The following DCC variants were observed in gnomAD, a reference collection of about 807,000 sequenced individuals.
The protein encoded by DCC is netrin receptor DCC.
Under a neutral mutation model 172.5 loss-of-function variants are expected in DCC, and 58 were observed. The observed-to-expected ratio is 0.34, with a 90% CI of 0.27 to 0.42. The LOEUF is 0.42. Ranked by LOEUF, DCC falls within the 10% of genes least tolerant of loss-of-function variation. DCC has a pLI of 1.00. For synonymous variants in DCC, 709 were observed against 644.5 expected (o/e 1.10, Z -1.52); for missense variants, 1,740 against 1,791.0 (o/e 0.97, Z 0.51).
intron 2 of DCC, among the ~76,000 whole-genome samples, chr18:52,845,999 G>A (rs2038881733): frequency 6.6e-6 from 1 of 152,176 alleles, no homozygotes; most frequent in South Asian, 2.1e-4. Flanking sequence ...CAAGGCACTG[G>A]GGTTGCCTCA....
intron 2 of DCC, among the ~76,000 whole-genome samples, chr18:52,764,670 C>A (rs1285277484): frequency 2.0e-5 from 3 of 151,838 alleles, no homozygotes; most frequent in African/African-American, 7.2e-5. Flanking sequence ...GATGTTGGCA[C>A]CATGTTTCTT....
intron 21 of DCC, among the ~76,000 whole-genome samples, chr18:53,417,938 C>T (rs1311742777): frequency 2.0e-5 from 3 of 152,140 alleles, no homozygotes; most frequent in African/African-American, 7.2e-5. Flanking sequence ...TCCCTATGAT[C>T]ACACATCCTC....
intron 2 of DCC, among the ~76,000 whole-genome samples, chr18:52,875,803 T>A (rs2039395163): frequency 6.6e-6 from 1 of 152,216 alleles, no homozygotes; most frequent in Admixed American, 6.5e-5. Flanking sequence ...TTGGAGCTTT[T>A]CTTCTCCCAA....
At chr18:53,266,558 A>G (rs2056677446) in intron 12 of DCC, among the ~76,000 whole-genome samples, 1 of 152,032 alleles carries the variant, frequency 6.6e-6, no homozygotes, top group Admixed American at 6.6e-5. Context: ...TTGAAGTGTA[A>G]TTCACATGCC....
intron 15 of DCC, among the ~76,000 whole-genome samples, chr18:53,362,064 T>C (rs918429440): frequency 2.0e-5 from 3 of 152,174 alleles, no homozygotes; most frequent in African/African-American, 7.2e-5. Flanking sequence ...TTTTCTAATA[T>C]GTTACTTCAT....
intron 12 of DCC, among the ~76,000 whole-genome samples, chr18:53,221,858 G>C (rs1341079260): frequency 6.6e-6 from 1 of 152,126 alleles, no homozygotes; most frequent in Admixed American, 6.6e-5. Context: ...ATTATTGTCA[G>C]TGCTTTCAGA....
In DCC at chr18:52,340,325, A is replaced by C; in HGVS notation, c.-463A>C. The C allele has an allele frequency of 5.3e-6, 1 of 189,808 alleles. No individual in the cohort carries two copies. The highest frequency in any genetic ancestry group is 1.1e-5 in the Non-Finnish European group (1 of 89,378). The allele number at this position is 189,808 out of a possible 1,614,324, so 11.8% of individuals were successfully genotyped here. A position where few individuals can be genotyped will look rare whatever the true frequency, so the allele number is the denominator to read the frequency against. On this transcript the variant is annotated 5_prime_UTR_variant, in exon 1 of 29. Coordinates refer to ENST00000442544, the MANE Select transcript of DCC (RefSeq NM_005215.4). ...ACAGCATCTCCAGCTCTCGCGCGGA[A>C]TTGTCTCTTCAACTTTACCCAACCG...
intron 1 of DCC, among the ~76,000 whole-genome samples, chr18:52,634,062 T>TG (rs2034728239): frequency 6.6e-6 from 1 of 152,216 alleles, no homozygotes; most frequent in South Asian, 2.1e-4. Context: ...ATATCTTTGT[T>TG]GGGAGGAGTC....
At chr18:53,511,243 G>A (rs1349208300) in intron 27 of DCC, among the ~76,000 whole-genome samples, 2 of 152,188 alleles carry the variant, frequency 1.3e-5, no homozygotes, top group African/African-American at 2.4e-5. Context: ...AACCAGATGG[G>A]AATCAAGGAT....
chr18:52,659,714 C>G (rs2035320744), intron 1 of DCC, among the ~76,000 whole-genome samples: 1 of 151,938 alleles, frequency 6.6e-6, no homozygotes, highest in Non-Finnish European at 1.5e-5. Context: ...ACCACTGAAC[C>G]CAATACATTT....
At chr18:52,978,639 G>A (rs2145599961) in intron 5 of DCC, among the ~76,000 whole-genome samples, 1 of 152,298 alleles carries the variant, frequency 6.6e-6, no homozygotes, top group South Asian at 2.1e-4. Flanking sequence ...CAGTGAGAGT[G>A]TGAATCTGCA....
At chr18:53,251,091 C>T (rs1040333491) in intron 12 of DCC, among the ~76,000 whole-genome samples, 2 of 151,936 alleles carry the variant, frequency 1.3e-5, no homozygotes, top group South Asian at 2.1e-4. Flanking sequence ...GAGACTCCTT[C>T]GTCTCTTACA....
At chr18:53,206,457 ATG>A (rs1365601733) in intron 10 of DCC, among the ~76,000 whole-genome samples, 2 of 130,642 alleles carry the variant, frequency 1.5e-5, no homozygotes, top group East Asian at 2.2e-4. Context: ...GTGTATATGT[ATG>A]TGTTATATAT....
At chr18:52,919,879 A>C (rs945466660) in intron 3 of DCC, among the ~76,000 whole-genome samples, 5 of 152,078 alleles carry the variant, frequency 3.3e-5, no homozygotes, top group African/African-American at 4.8e-5. Context: ...TTGGCAAAAT[A>C]ATAGATCCAT....
At chr18:52,940,416 A>G (rs1351030927) in intron 5 of DCC, among the ~76,000 whole-genome samples, 1 of 152,174 alleles carries the variant, frequency 6.6e-6, no homozygotes, top group South Asian at 2.1e-4. Flanking sequence ...CCTTGTGTAC[A>G]TAAGATTAGT....
chr18:52,708,016 CA>C (rs1032527036), intron 1 of DCC, among the ~76,000 whole-genome samples: 1 of 152,060 alleles, frequency 6.6e-6, no homozygotes, highest in Non-Finnish European at 1.5e-5. Context: ...GTTTTCACCA[CA>C]AAAAATCAGT....
intron 13 of DCC, among the ~76,000 whole-genome samples, chr18:53,316,996 G>A (rs1188252029): frequency 6.6e-6 from 1 of 152,212 alleles, no homozygotes; most frequent in Non-Finnish European, 1.5e-5. Context: ...GAATAGGGAT[G>A]GTGAGAGAGG....
intron 2 of DCC, among the ~76,000 whole-genome samples, chr18:52,859,909 G>A (rs144699432): frequency 1.4e-3 from 218 of 152,274 alleles, no homozygotes; most frequent in Middle Eastern, 3.4e-3. Context: ...GATAGGCAAA[G>A]GAAGGGGAAG....
chr18:53,032,158 C>T (rs542157775), intron 5 of DCC, among the ~76,000 whole-genome samples: 2 of 151,962 alleles, frequency 1.3e-5, no homozygotes, highest in East Asian at 3.9e-4. Context: ...TTTATTTTTT[C>T]CTGCCATGAA....
Sources: allele counts gnomAD v4.1 joint callset (sites outside exome capture counted in the v4.1 genomes callset), GRCh38; gene constraint gnomAD v4.1.1; transcripts MANE v1.5; gene names NCBI Gene and HGNC (gene_info 2026-07-23, HGNC 2026-07-21).